The following PALM variants were observed in gnomAD, a reference collection of about 807,000 sequenced individuals.
The protein encoded by PALM is paralemmin-1.
PALM carries 18 observed loss-of-function variants against 30.7 expected under a neutral mutation model. The observed-to-expected ratio is 0.59, with a 90% CI of 0.41 to 0.87. PALM has a LOEUF of 0.87. Ranked by LOEUF, PALM falls within the 40% of genes least tolerant of loss-of-function variation. The pLI is 0.00. For missense variants in PALM, 529 were observed against 555.4 expected, an observed-to-expected ratio of 0.95 and a Z score of 0.48; for synonymous variants, 286 against 242.8, an observed-to-expected ratio of 1.18 and a Z score of -1.66.
At chr19:712,486 C>A (rs1445411761) in intron 1 of PALM, among the ~76,000 whole-genome samples, 1 of 151,730 alleles carries the variant, frequency 6.6e-6, no homozygotes, top group Non-Finnish European at 1.5e-5. Context: ...TGGGTTCAAG[C>A]GGTTCTCCTG....
At position 746,829 on chromosome 19, in the gene PALM, C is replaced by G; in HGVS notation, c.*15C>G. ...CCATCATGTGAGCCGGCCCCCGAGACCCCGGCCCCCACCCCACACCACAGA... is the reference window on the plus strand; with the variant it reads ...CCATCATGTGAGCCGGCCCCCGAGAGCCCGGCCCCCACCCCACACCACAGA... On this transcript the variant is annotated 3_prime_UTR_variant, in exon 9 of 9. Coordinates refer to ENST00000338448, the MANE Select transcript of PALM (RefSeq NM_002579.3). The surrounding 1 kb of genome is among the most constrained non-coding windows in gnomAD (Gnocchi z 7.1). The G allele has an allele frequency of 6.8e-7, 1 of 1,464,442 alleles. No homozygotes were observed. The highest frequency in any genetic ancestry group is 9.1e-7 in the Non-Finnish European group (1 of 1,097,910). 90.7% of individuals were successfully genotyped at this position (1,464,442 alleles called of 1,614,324 possible). A position where few individuals can be genotyped will look rare whatever the true frequency, so the allele number is the denominator to read the frequency against.
intron 1 of PALM, among the ~76,000 whole-genome samples, chr19:714,625 T>C (rs1314155134): frequency 6.6e-6 from 1 of 152,000 alleles, no homozygotes; most frequent in East Asian, 1.9e-4. Context: ...CCCAAAGTGC[T>C]GGGATTACAG....
intron 1 of PALM, among the ~76,000 whole-genome samples, chr19:718,665 G>T (rs1052869631): frequency 6.6e-6 from 1 of 152,048 alleles, no homozygotes; most frequent in South Asian, 2.1e-4. Context: ...TAGGGTTCTC[G>T]GTGCCCCAGA....
chr19:714,781 G>T (rs1196385593), intron 1 of PALM, among the ~76,000 whole-genome samples: 1 of 152,086 alleles, frequency 6.6e-6, no homozygotes, highest in Non-Finnish European at 1.5e-5. Flanking sequence ...TTGAGTAGCT[G>T]GGACTACAGG....
intron 4 of PALM, among the ~76,000 whole-genome samples, chr19:729,504 C>T (rs1181297736): frequency 8.1e-5 from 10 of 123,366 alleles, no homozygotes; most frequent in African/African-American, 1.2e-4. Flanking sequence ...CTCGCTCTGT[C>T]GCCCAGGCTG....
chr19:722,003 C>T (rs1326026295), intron 1 of PALM, among the ~76,000 whole-genome samples: 1 of 152,192 alleles, frequency 6.6e-6, no homozygotes, highest in African/African-American at 2.4e-5. Context: ...ACTGCAAGCT[C>T]CGCCTTCCGG....
chr19:720,260 C>T (rs1334016205), intron 1 of PALM, among the ~76,000 whole-genome samples: 1 of 151,780 alleles, frequency 6.6e-6, no homozygotes, highest in Non-Finnish European at 1.5e-5. Context: ...GTTGCCACGG[C>T]GACCGCCTCC....
chr19:714,054 G>C (rs568452858), intron 1 of PALM, among the ~76,000 whole-genome samples: 1 of 151,622 alleles, frequency 6.6e-6, no homozygotes, highest in Admixed American at 6.6e-5. Context: ...ACAGGTACCC[G>C]CCACCACACC....
At chr19:740,610 C>A in intron 8 of PALM, 127 bp downstream of exon 8, 1 of 931,958 alleles carries the variant, frequency 1.1e-6, no homozygotes, top group Non-Finnish European at 1.6e-6. Context: ...GCAGATGACG[C>A]TGTTCAGGCC....
At chr19:713,746 T>C (rs2032160391) in intron 1 of PALM, among the ~76,000 whole-genome samples, 1 of 151,746 alleles carries the variant, frequency 6.6e-6, no homozygotes, top group Non-Finnish European at 1.5e-5. Flanking sequence ...GCCTGGCTAA[T>C]TTTTTGTATA....
At chr19:716,358 C>T (rs1169618024) in intron 1 of PALM, among the ~76,000 whole-genome samples, 1 of 151,402 alleles carries the variant, frequency 6.6e-6, no homozygotes, top group South Asian at 2.1e-4. Context: ...TGCAGTGAGC[C>T]GAGATTGCGC....
intron 1 of PALM, among the ~76,000 whole-genome samples, chr19:712,968 G>T (rs1199896813): frequency 1.3e-5 from 2 of 152,198 alleles, no homozygotes; most frequent in African/African-American, 4.8e-5. Flanking sequence ...GAGGCACCGT[G>T]CACGGCCCAC....
Position 715,646 on chromosome 19 carries a change from G to A in PALM, c.5+6495G>A, listed in dbSNP as rs374935416. The stretch of plus-strand genomic sequence containing the variant: ...TAGGCCTTGAGTGCCAGGATGGGGA[G>A]TCATGGATAGTGTGTGAGCAGGGGA... On this transcript the variant is annotated intron_variant, in intron 1 of 8. Coordinates refer to ENST00000338448, the MANE Select transcript of PALM (RefSeq NM_002579.3). Among the ~76,000 whole-genome samples the A allele has an allele frequency of 3.0e-3, 460 of 152,318 alleles. 29 individuals carry two copies. The South Asian group carries it at 0.092, about 30-fold the overall frequency.
Position 709,259 on chromosome 19 carries a change from G to T in PALM, c.5+108G>T. 3.7e-6 allele frequency: 1 copy of T among 270,512 alleles called. No homozygotes were observed. Among genetic ancestry groups the T allele is most frequent in the South Asian group, 1.6e-4 (1 of 6,364 alleles). 16.8% of individuals were successfully genotyped at this position (270,512 alleles called of 1,614,324 possible). On this transcript the variant is annotated intron_variant, in intron 1 of 8. Transcript: ENST00000338448. This position sits in a 1 kb window ranked among gnomAD's most constrained non-coding sequence, Gnocchi z 4.3. ...CCATTGGGGGCGTCGCTGCCCCCGC[G>T]AGGAGCAGGAGGCGGCGCGGGGCTG...
intron 8 of PALM, among the ~76,000 whole-genome samples, chr19:741,854 T>C (rs957284708): frequency 2.6e-5 from 4 of 152,118 alleles, no homozygotes; most frequent in Non-Finnish European, 5.9e-5. Context: ...TTTTTATTTA[T>C]TTACTTTCTG....
chr19:747,039 G>A lies in PALM; in HGVS notation c.*225G>A, dbSNP rs1267483798. 3 of 558,036 alleles carry A rather than the reference G, an allele frequency of 5.4e-6. No homozygotes were observed. Among genetic ancestry groups the A allele is most frequent in the East Asian group, 3.0e-5 (1 of 33,158 alleles). The allele number at this position is 558,036 out of a possible 1,614,324, so 34.6% of individuals were successfully genotyped here. A position where few individuals can be genotyped will look rare whatever the true frequency, so the allele number is the denominator to read the frequency against. ...AACCAGAGCCGTGCACTTGTGCCTGGTAGGAGAGAGACAGGACAGACCCGC... is the reference window on the plus strand; with the variant it reads ...AACCAGAGCCGTGCACTTGTGCCTGATAGGAGAGAGACAGGACAGACCCGC... On this transcript the variant is annotated 3_prime_UTR_variant, in exon 9 of 9. Coordinates refer to ENST00000338448, the MANE Select transcript of PALM (RefSeq NM_002579.3).
At position 736,088 on chromosome 19, in the gene PALM, C is replaced by T. The variant is rs1323927703; in HGVS notation, c.502+10C>T. On this transcript the variant is annotated intron_variant, in intron 7 of 8. Coordinates refer to ENST00000338448, the MANE Select transcript of PALM (RefSeq NM_002579.3). ...CCCATGATGAAGGCAGGTGGGTTGG[C>T]CCCCAGGCTCTGGGCCCCAGATCCA... 1 of 1,600,548 alleles carries T rather than the reference C, an allele frequency of 6.2e-7. No homozygotes were observed. Among genetic ancestry groups the T allele is most frequent in the Non-Finnish European group, 8.5e-7 (1 of 1,171,950 alleles).
At chr19:727,199 C>T (rs2032700438) in intron 3 of PALM, 111 bp downstream of exon 3, 1 of 745,728 alleles carries the variant, frequency 1.3e-6, no homozygotes, top group African/African-American at 1.7e-5. Context: ...TGACCCTGAC[C>T]CTGCCTCCAG....
In PALM at chr19:727,549, ATC is replaced by A. The variant is rs774868806; in HGVS notation, c.139-14_139-13del. On this transcript the variant is annotated splice_polypyrimidine_tract_variant and intron_variant, in intron 3 of 8. Transcript: ENST00000338448. ...GGTCCTGCCCACGACTCTGACCTGG[ATC>A]CCTGCTGCTCAGTCCAAGGCACTGC... 28 of 1,581,016 alleles carry A rather than the reference ATC, an allele frequency of 1.8e-5. No homozygotes were observed. The highest frequency in any genetic ancestry group is 4.6e-5 in the East Asian group (2 of 43,300).
Sources: allele counts gnomAD v4.1 joint callset (sites outside exome capture counted in the v4.1 genomes callset), GRCh38; gene constraint gnomAD v4.1.1; non-coding constraint Gnocchi (gnomAD v3.1); transcripts MANE v1.5; gene names NCBI Gene and HGNC (gene_info 2026-07-23, HGNC 2026-07-21).